Variants in GNS observed in about 807,000 individuals in gnomAD.
The protein encoded by GNS is glucosamine (N-acetyl)-6-sulfatase.
Under a neutral mutation model 69.7 loss-of-function variants are expected in GNS, and 40 were observed. The ratio of observed to expected loss-of-function variants is 0.57; its 90% CI spans 0.45 to 0.75. The LOEUF is 0.75. GNS is among the 30% of genes least tolerant of loss of function. The pLI, the probability that GNS is intolerant of heterozygous loss-of-function variation, is 0.00. For missense variants in GNS, 565 were observed against 685.5 expected (o/e 0.82, Z 1.96); for synonymous variants, 243 against 251.6 (o/e 0.97, Z 0.32).
Position 64,747,641 on chromosome 12 carries a change from A to G in GNS, c.459+71T>C, listed in dbSNP as rs149456413. 599 of 905,206 alleles carry G rather than the reference A, an allele frequency of 6.6e-4. 3 individuals are homozygous for G. The African/African-American group carries it at 9.3e-3, about 14-fold the overall frequency. 56.1% of individuals were successfully genotyped at this position (905,206 alleles called of 1,614,324 possible). A position where few individuals can be genotyped will look rare whatever the true frequency, so the allele number is the denominator to read the frequency against. On this transcript the variant is annotated intron_variant, in intron 3 of 13. Transcript: ENST00000258145. ...AAATCCTTTAACATTAATTGAAATA[A>G]TAAAATTAACATGAATTATATTCAC...
At chr12:64,719,080 T>A (rs1043497536) in intron 13 of GNS, among the ~76,000 whole-genome samples, 1 of 152,256 alleles carries the variant, frequency 6.6e-6, no homozygotes, top group African/African-American at 2.4e-5. Flanking sequence ...CTTTTTATAT[T>A]GTTACCTGGC....
chr12:64,740,767 A>G, intron 6 of GNS, 79 bp from the exon 7 acceptor site: 1 of 764,772 alleles, frequency 1.3e-6, no homozygotes, highest in Non-Finnish European at 2.4e-6. Context: ...AGTAGATAAT[A>G]AATAGAACCG....
chr12:64,749,289 A>G (rs1469877953), intron 2 of GNS, among the ~76,000 whole-genome samples: 3 of 73,990 alleles, frequency 4.1e-5, no homozygotes, highest in Admixed American at 4.0e-4. Context: ...TTCTCGCTCT[A>G]TTGCCCAGGC....
intron 2 of GNS, among the ~76,000 whole-genome samples, chr12:64,750,989 A>AT (rs973943132): frequency 7.9e-5 from 12 of 152,210 alleles, no homozygotes; most frequent in African/African-American, 2.9e-4. Flanking sequence ...CACTCGCATC[A>AT]TTTTGTAAAA....
intron 9 of GNS, among the ~76,000 whole-genome samples, chr12:64,731,113 G>A (rs890425114): frequency 6.6e-6 from 1 of 152,160 alleles, no homozygotes; most frequent in African/African-American, 2.4e-5. Flanking sequence ...GTCTCATTTT[G>A]TCACCCGAGC....
intron 10 of GNS, among the ~76,000 whole-genome samples, chr12:64,724,886 T>C (rs181964086): frequency 3.9e-5 from 6 of 152,162 alleles, no homozygotes; most frequent in African/African-American, 9.6e-5. Flanking sequence ...ACAAACCTCA[T>C]GATGCTGCCA....
At chr12:64,731,910 T>C (rs56874514) in intron 9 of GNS, among the ~76,000 whole-genome samples, 6,403 of 152,186 alleles carry the variant, frequency 0.042, 436 homozygotes, top group African/African-American at 0.14. Flanking sequence ...CATTCCAACC[T>C]GGTGAGAGAG....
chr12:64,735,075 A>G (rs183250907), intron 9 of GNS, among the ~76,000 whole-genome samples: 1 of 152,310 alleles, frequency 6.6e-6, no homozygotes, highest in East Asian at 1.9e-4. Flanking sequence ...GCACCACTGC[A>G]CTCCAGCCTG....
chr12:64,752,968 T>C, intron 1 of GNS: 2 of 585,826 alleles, frequency 3.4e-6, no homozygotes, highest in South Asian at 4.2e-5. Flanking sequence ...GTCAAAATGC[T>C]TGCAGGAAGG....
intron 9 of GNS, among the ~76,000 whole-genome samples, chr12:64,734,031 C>T (rs1018330518): frequency 2.0e-5 from 3 of 152,236 alleles, no homozygotes; most frequent in African/African-American, 7.2e-5. Flanking sequence ...AACTCACAAG[C>T]CTGTGCCACT....
intron 2 of GNS, 143 bp from the exon 3 acceptor site, chr12:64,748,061 C>T (rs1323926022): frequency 1.5e-6 from 1 of 671,386 alleles, no homozygotes; most frequent in Non-Finnish European, 2.7e-6. Flanking sequence ...TTTTTTTCTA[C>T]ACATGACATG....
chr12:64,717,962 AG>A (rs1207077006), intron 13 of GNS, among the ~76,000 whole-genome samples: 1 of 152,154 alleles, frequency 6.6e-6, no homozygotes, highest in Non-Finnish European at 1.5e-5. Context: ...TTTTTTGTAA[AG>A]GGCCAGATAA....
intron 12 of GNS, 109 bp from the exon 13 acceptor site, chr12:64,720,291 A>C (rs1178119553): frequency 2.6e-6 from 2 of 778,268 alleles, no homozygotes; most frequent in African/African-American, 3.5e-5. Flanking sequence ...AGATTAAAAA[A>C]AAAAAAAATC....
At chr12:64,725,156 T>C (rs1869155659) in intron 10 of GNS, among the ~76,000 whole-genome samples, 1 of 152,238 alleles carries the variant, frequency 6.6e-6, no homozygotes, top group Admixed American at 6.5e-5. Context: ...TTCCGAGTGA[T>C]TCTGATGTCT....
intron 9 of GNS, among the ~76,000 whole-genome samples, chr12:64,732,308 C>T (rs1244885): frequency 0.57 from 85,318 of 149,610 alleles, 24,738 homozygotes; most frequent in East Asian, 0.88. Context: ...GCTGGGACTA[C>T]AGGCGCCTGC....
Position 64,716,231 on chromosome 12 carries a change from C to A in GNS, c.*510G>T, listed in dbSNP as rs1868853789. On this transcript the variant is annotated 3_prime_UTR_variant, in exon 14 of 14. Transcript: ENST00000258145. ...CAATCAACAATGGTACTTGTTCTTA[C>A]TTGGATGATTCAGCTCTGATGGTTA... 5.3e-6 allele frequency: 1 copy of A among 187,952 alleles called. No homozygotes were observed. The highest frequency in any genetic ancestry group is 1.1e-5 in the Non-Finnish European group (1 of 87,400). 11.6% of individuals were successfully genotyped at this position (187,952 alleles called of 1,614,324 possible).
At position 64,730,797 on chromosome 12, in the gene GNS, G is replaced by A. The variant is rs200477631; in HGVS notation, c.1099-1740C>T. ...AGGTCACAGCAGGAAAGGAGGGTCA[G>A]AGAGAGATACCATCTCCAGAATGAG... On this transcript the variant is annotated intron_variant, in intron 9 of 13. Transcript: ENST00000258145. 5.9e-5 allele frequency among the ~76,000 whole-genome samples: 9 copies of A among 152,320 alleles called. No homozygotes were observed. The East Asian group carries it at 1.7e-3, about 29-fold the overall frequency.
chr12:64,731,713 T>A (rs978224919), intron 9 of GNS, among the ~76,000 whole-genome samples: 1 of 152,240 alleles, frequency 6.6e-6, no homozygotes, highest in African/African-American at 2.4e-5. Flanking sequence ...GATTCACCCA[T>A]CAATGTGATG....
chr12:64,744,326 T>C (rs1869834847), intron 5 of GNS, among the ~76,000 whole-genome samples: 3 of 152,320 alleles, frequency 2.0e-5, no homozygotes, highest in Non-Finnish European at 4.4e-5. Flanking sequence ...TATAATACTA[T>C]TGAAGACTGT....
Sources: gnomAD v4.1 joint callset for allele counts (sites outside exome capture counted in the v4.1 genomes callset) on GRCh38, gnomAD v4.1.1 for gene constraint, MANE v1.5 for transcripts, NCBI Gene and HGNC (gene_info 2026-07-23, HGNC 2026-07-21) for gene names.